The following ABL1 variants were observed in gnomAD, a reference collection of about 807,000 sequenced individuals.
ABL1 encodes the protein tyrosine-protein kinase ABL1.
In ABL1, 11 loss-of-function variants were observed where a neutral mutation model predicts 94.7. The observed-to-expected ratio is 0.12, with a 90% CI of 0.07 to 0.19. ABL1 has a LOEUF of 0.19. Ranked by LOEUF, ABL1 falls within the 10% of genes least tolerant of loss-of-function variation. The probability of loss-of-function intolerance (pLI) is 1.00; values close to 1 mark genes in which losing one functional copy is unlikely to be tolerated. For missense variants in ABL1, 1,082 were observed against 1,489.4 expected (o/e 0.73, Z 4.50); for synonymous variants, 656 against 622.4 (o/e 1.05, Z -0.80).
At chr9:130,793,488 T>C (rs10512413) in intron 1 of ABL1, among the ~76,000 whole-genome samples, 13,045 of 152,216 alleles carry the variant, frequency 0.086, 727 homozygotes, top group African/African-American at 0.17. Flanking sequence ...TTCACACTTT[T>C]GATATTTGCT....
At chr9:130,828,623 C>T (rs1012459854) in intron 1 of ABL1, among the ~76,000 whole-genome samples, 1 of 152,062 alleles carries the variant, frequency 6.6e-6, no homozygotes, top group African/African-American at 2.4e-5. Context: ...AGGATAATCG[C>T]TTGAACCCAG....
At chr9:130,729,288 G>A (rs533361948) in intron 1 of ABL1, among the ~76,000 whole-genome samples, 2 of 152,266 alleles carry the variant, frequency 1.3e-5, no homozygotes, top group Admixed American at 6.5e-5. Flanking sequence ...CACAGCCACC[G>A]CTGTCTGCTA....
At chr9:130,844,032 A>G (rs1322904561) in intron 1 of ABL1, among the ~76,000 whole-genome samples, 1 of 152,152 alleles carries the variant, frequency 6.6e-6, no homozygotes, top group African/African-American at 2.4e-5. Context: ...CCTGCAAAGC[A>G]CATCATGATC....
At chr9:130,802,093 G>T (rs1454791913) in intron 1 of ABL1, among the ~76,000 whole-genome samples, 3 of 118,808 alleles carry the variant, frequency 2.5e-5, no homozygotes, top group African/African-American at 4.1e-5. Context: ...TTTTCCTTCA[G>T]TCTTTTTTTT....
At chr9:130,799,446 A>T (rs1336546075) in intron 1 of ABL1, among the ~76,000 whole-genome samples, 2 of 152,198 alleles carry the variant, frequency 1.3e-5, no homozygotes, top group Non-Finnish European at 2.9e-5. Flanking sequence ...GAAAGTCTTC[A>T]TGTACTTCTA....
chr9:130,815,117 T>G (rs1454320833), intron 1 of ABL1, among the ~76,000 whole-genome samples: 1 of 152,112 alleles, frequency 6.6e-6, no homozygotes, highest in East Asian at 1.9e-4. Flanking sequence ...GTGGATCACC[T>G]GAGGTCAGGA....
At chr9:130,807,304 A>G (rs1406885391) in intron 1 of ABL1, among the ~76,000 whole-genome samples, 2 of 152,056 alleles carry the variant, frequency 1.3e-5, no homozygotes, top group Non-Finnish European at 2.9e-5. Flanking sequence ...GCTAGAGTGC[A>G]GTGCCACAAT....
At position 130,872,256 on chromosome 9, in the gene ABL1, C is replaced by A. The variant is rs911498427; in HGVS notation, c.907+43C>A. 3 of 1,567,974 alleles carry A rather than the reference C, an allele frequency of 1.9e-6. No individual in the cohort carries two copies. The highest frequency in any genetic ancestry group is 2.6e-6 in the Non-Finnish European group (3 of 1,142,972). ...TCTGAAGAGAGGGTCTCGCGCCGCACCCCCAGGGTGACACAGGCGCTGGGG... is the reference window on the plus strand; with the variant it reads ...TCTGAAGAGAGGGTCTCGCGCCGCAACCCCAGGGTGACACAGGCGCTGGGG... On this transcript the variant is annotated intron_variant, in intron 5 of 10. Coordinates refer to ENST00000318560, the MANE Select transcript of ABL1 (RefSeq NM_005157.6). The surrounding 1 kb of genome is among the most constrained non-coding windows in gnomAD (Gnocchi z 5.0).
chr9:130,760,177 A>G (rs963288476), intron 1 of ABL1, among the ~76,000 whole-genome samples: 1 of 151,934 alleles, frequency 6.6e-6, no homozygotes, highest in Non-Finnish European at 1.5e-5. Flanking sequence ...TCACAGACCA[A>G]TTTGGGTTAA....
At chr9:130,728,411 T>G (rs28625891) in intron 1 of ABL1, among the ~76,000 whole-genome samples, 1 of 140,092 alleles carries the variant, frequency 7.1e-6, no homozygotes, top group Non-Finnish European at 1.5e-5. Context: ...TTTGAGACAG[T>G]GTTTTGCTCT....
At chr9:130,822,811 T>C (rs1240683037) in intron 1 of ABL1, among the ~76,000 whole-genome samples, 1 of 152,054 alleles carries the variant, frequency 6.6e-6, no homozygotes, top group Non-Finnish European at 1.5e-5. Context: ...GTTCTTTTTT[T>C]TTTCGAGATG....
chr9:130,874,718 G>A (rs1831311550), intron 6 of ABL1, 150 bp from the exon 7 acceptor site: 5 of 804,754 alleles, frequency 6.2e-6, no homozygotes, highest in South Asian at 5.4e-5. Context: ...GGCTGGCACT[G>A]TGTTAATTGC....
At position 130,800,162 on chromosome 9, in the gene ABL1, G is replaced by A. The variant is rs569145363; in HGVS notation, c.137-53902G>A. Among the ~76,000 whole-genome samples the A allele has an allele frequency of 1.4e-4, 22 of 152,012 alleles. No individual in the cohort carries two copies. The East Asian group carries it at 1.9e-3, about 13-fold the overall frequency. On this transcript the variant is annotated intron_variant, in intron 1 of 10. Transcript: ENST00000372348. ...GCTGGGATTACAGACGTGAGCCACC[G>A]CACCCAACTATAAAATGTATTTTTA...
Position 130,872,225 on chromosome 9 carries a change from CG to C in ABL1, c.907+16del, listed in dbSNP as rs768145590. 3.7e-6 allele frequency: 6 copies of C among 1,612,374 alleles called. No individual in the cohort carries two copies. The highest frequency in any genetic ancestry group is 3.4e-6 in the Non-Finnish European group (4 of 1,178,838). On this transcript the variant is annotated intron_variant, in intron 5 of 10. Coordinates refer to ENST00000318560, the MANE Select transcript of ABL1 (RefSeq NM_005157.6). The surrounding 1 kb of genome is among the most constrained non-coding windows in gnomAD (Gnocchi z 5.0). The stretch of plus-strand genomic sequence containing the variant: ...GGTGCAGCTCCTTGGTGAGTAAGCC[CG>C]GGGCTCTGAAGAGAGGGTCTCGCGC...
intron 1 of ABL1, among the ~76,000 whole-genome samples, chr9:130,741,634 T>C (rs961847743): frequency 1.1e-4 from 17 of 150,682 alleles, no homozygotes; most frequent in Non-Finnish European, 5.9e-5. Context: ...TAACAGTTAC[T>C]GCACTGATAA....
chr9:130,721,154 G>A (rs1417315875), intron 1 of ABL1, among the ~76,000 whole-genome samples: 4 of 152,054 alleles, frequency 2.6e-5, no homozygotes, highest in South Asian at 2.1e-4. Context: ...CAAGGCGGGC[G>A]GATCACTTGA....
chr9:130,806,579 AGAGGTGGGAG>A (rs1830127724), intron 1 of ABL1, among the ~76,000 whole-genome samples: 1 of 152,188 alleles, frequency 6.6e-6, no homozygotes. Flanking sequence ...CTTGGTAGGC[AGAGGTGGGAG>A]GATCACTTGA....
chr9:130,876,896 T>C (rs1334849028), intron 7 of ABL1, among the ~76,000 whole-genome samples: 3 of 146,614 alleles, frequency 2.0e-5, no homozygotes, highest in Non-Finnish European at 3.0e-5. Context: ...GCCGCCACAC[T>C]CGGCCAATTT....
chr9:130,816,943 G>GA (rs987798077), intron 1 of ABL1, among the ~76,000 whole-genome samples: 1 of 152,028 alleles, frequency 6.6e-6, no homozygotes, highest in Non-Finnish European at 1.5e-5. Flanking sequence ...AACCTCAGGT[G>GA]ATTCCCCCCG....
Sources: gnomAD v4.1 joint callset for allele counts (sites outside exome capture counted in the v4.1 genomes callset) on GRCh38, gnomAD v4.1.1 for gene constraint, Gnocchi (gnomAD v3.1) non-coding constraint, MANE v1.5 for transcripts, NCBI Gene and HGNC (gene_info 2026-07-23, HGNC 2026-07-21) for gene names.